Variants in ANGPTL5 observed in about 807,000 individuals in gnomAD.
ANGPTL5 encodes the protein angiopoietin-related protein 5.
ANGPTL5 carries 34 observed loss-of-function variants against 39.4 expected under a neutral mutation model. The observed-to-expected ratio is 0.86, with a 90% CI of 0.66 to 1.15. The LOEUF (loss-of-function observed/expected upper bound fraction) is 1.15. Among genes scored for constraint, ANGPTL5 ranks in the 50% most tolerant of loss-of-function variants. The pLI is 0.00. For synonymous variants in ANGPTL5, 146 were observed against 152.1 expected, an observed-to-expected ratio of 0.96 and a Z score of 0.29; for missense variants, 467 against 457.5, an observed-to-expected ratio of 1.02 and a Z score of -0.19.
intron 8 of ANGPTL5, among the ~76,000 whole-genome samples, chr11:101,892,736 A>AT (rs777285148): frequency 1.4e-4 from 21 of 152,222 alleles, no homozygotes; most frequent in Non-Finnish European, 2.5e-4. Context: ...TGAAACACTA[A>AT]TTTAAAAAAG....
chr11:101,901,445 C>T (rs979020383), intron 6 of ANGPTL5, among the ~76,000 whole-genome samples: 1 of 152,116 alleles, frequency 6.6e-6, no homozygotes, highest in Non-Finnish European at 1.5e-5. Flanking sequence ...TCAGCAGGTG[C>T]TCATAGACAC....
chr11:101,898,387 C>G (rs991527680), intron 7 of ANGPTL5, among the ~76,000 whole-genome samples: 7 of 152,064 alleles, frequency 4.6e-5, no homozygotes, highest in Non-Finnish European at 1.0e-4. Context: ...AAGTTGGATT[C>G]CTAGGTATTG....
chr11:101,894,873 T>A lies in ANGPTL5; in HGVS notation c.847+6A>T, dbSNP rs11225051. 0.061 allele frequency: 98,347 copies of A among 1,607,858 alleles called. 5,274 individuals carry two copies. Among genetic ancestry groups the A allele is most frequent in the East Asian group, 0.29 (12,847 of 44,702 alleles). ...TGGATAATTTTAGGAATAAAAAAAA[T>A]CTTACCAGCATTTCCTGAATACCGT... On this transcript the variant is annotated splice_donor_region_variant and intron_variant, in intron 8 of 8. Transcript: ENST00000334289.
chr11:101,897,924 GA>G (rs1939828156), intron 7 of ANGPTL5, among the ~76,000 whole-genome samples: 1 of 152,082 alleles, frequency 6.6e-6, no homozygotes, highest in South Asian at 2.1e-4. Context: ...GAATAGCATT[GA>G]ATCTATAAAT....
At chr11:101,906,362 G>A (rs1315888074) in intron 3 of ANGPTL5, among the ~76,000 whole-genome samples, 2 of 151,822 alleles carry the variant, frequency 1.3e-5, no homozygotes, top group Admixed American at 6.6e-5. Context: ...TTGGTTATTT[G>A]GTTTCTGACT....
Position 101,891,316 on chromosome 11 carries a change from A to T in ANGPTL5, c.1130T>A (p.Met377Lys), listed in dbSNP as rs1480476284. 2 of 1,613,636 alleles carry T rather than the reference A, an allele frequency of 1.2e-6. No homozygotes were observed. Among genetic ancestry groups the T allele is most frequent in the South Asian group, 2.2e-5 (2 of 91,066 alleles). Residue 377 changes from methionine (M) to lysine (K), a missense_variant, in exon 9 of 9, where the codon ATG becomes AAG. Coordinates refer to ENST00000334289, the MANE Select transcript of ANGPTL5 (RefSeq NM_178127.5). Reference protein sequence around the residue: ...NSPVKIKSVSMKIRRMYNPYF... With the variant: ...NSPVKIKSVSKKIRRMYNPYF... Reference sequence around the variant, plus strand: ...TGGATTGTACATTCTTCTAATTTTCATTGAAACAGATTTAATCTTGACAGG... The same window carrying T: ...TGGATTGTACATTCTTCTAATTTTCTTTGAAACAGATTTAATCTTGACAGG...
In ANGPTL5 at chr11:101,910,420, A is replaced by ATAT. The variant is rs1210873000; in HGVS notation, c.-92-2420_-92-2419insATA. Among the ~76,000 whole-genome samples the ATAT allele has an allele frequency of 1.4e-3, 185 of 128,380 alleles. 2 individuals carry two copies. The highest frequency in any genetic ancestry group is 2.3e-3 in the African/African-American group (80 of 35,284). The allele number at this position is 128,380 out of a possible 152,430, so 84.2% of individuals were successfully genotyped here. On this transcript the variant is annotated intron_variant, in intron 1 of 8. Transcript: ENST00000334289. ...AGCAAAACTCCGTCTCAAAAAAAAA[A>ATAT]AAAAATATATATATATATATATATA...
intron 7 of ANGPTL5, among the ~76,000 whole-genome samples, chr11:101,898,624 A>C (rs1019180389): frequency 2.6e-5 from 4 of 152,200 alleles, no homozygotes; most frequent in Non-Finnish European, 2.9e-5. Context: ...TTCCTAATTG[A>C]ATACCCTTTA....
intron 1 of ANGPTL5, chr11:101,915,561 C>A: frequency 1.9e-6 from 2 of 1,068,372 alleles, no homozygotes; most frequent in African/African-American, 1.6e-5. Context: ...ACTGTCGTGT[C>A]TCACCTTAGA....
chr11:101,909,016 T>G (rs1940048270), intron 1 of ANGPTL5, among the ~76,000 whole-genome samples: 1 of 152,162 alleles, frequency 6.6e-6, no homozygotes, highest in Non-Finnish European at 1.5e-5. Flanking sequence ...ATTCTAAAAT[T>G]AAGAGGCAAA....
At chr11:101,912,775 A>T (rs909752515) in intron 1 of ANGPTL5, among the ~76,000 whole-genome samples, 1 of 152,206 alleles carries the variant, frequency 6.6e-6, no homozygotes, top group African/African-American at 2.4e-5. Flanking sequence ...GTTCCCAGCC[A>T]TAATGGGATG....
At chr11:101,895,985 G>T (rs929135858) in intron 7 of ANGPTL5, among the ~76,000 whole-genome samples, 1 of 151,988 alleles carries the variant, frequency 6.6e-6, no homozygotes, top group Non-Finnish European at 1.5e-5. Flanking sequence ...TTAGCAACAC[G>T]CTCACTTACA....
chr11:101,906,658 C>T (rs1054310336), intron 3 of ANGPTL5, among the ~76,000 whole-genome samples: 7 of 152,056 alleles, frequency 4.6e-5, no homozygotes, highest in African/African-American at 1.4e-4. Flanking sequence ...CAAAAGGGCC[C>T]ACACACTATT....
intron 1 of ANGPTL5, chr11:101,915,125 C>T: frequency 2.7e-6 from 3 of 1,112,940 alleles, no homozygotes; most frequent in Non-Finnish European, 3.7e-6. Context: ...ACCAGTGCCG[C>T]TGCGCGGGAG....
chr11:101,913,621 T>C (rs1183143734), intron 1 of ANGPTL5, among the ~76,000 whole-genome samples: 1 of 152,206 alleles, frequency 6.6e-6, no homozygotes, highest in African/African-American at 2.4e-5. Context: ...TTATGCTTCT[T>C]AGTGCTAATA....
intron 1 of ANGPTL5, among the ~76,000 whole-genome samples, chr11:101,911,593 T>C (rs893833951): frequency 6.6e-6 from 1 of 152,124 alleles, no homozygotes; most frequent in Non-Finnish European, 1.5e-5. Flanking sequence ...CTCCCCTCTC[T>C]CTTTCAGTCC....
At chr11:101,904,793 C>G (rs199920643) in intron 5 of ANGPTL5, 21 bp downstream of exon 5, 304 of 1,597,262 alleles carry the variant, frequency 1.9e-4, no homozygotes, top group Non-Finnish European at 2.1e-4. Context: ...CATGAAAAGG[C>G]TGAAATACCA....
At position 101,890,698 on chromosome 11, in the gene ANGPTL5, T is replaced by C. The variant is rs535823296; in HGVS notation, c.*581A>G. The C allele has an allele frequency of 2.6e-5, 4 of 152,584 alleles. No individual in the cohort carries two copies. The South Asian group carries it at 8.3e-4, about 32-fold the overall frequency. 9.5% of individuals were successfully genotyped at this position (152,584 alleles called of 1,614,324 possible). The stretch of plus-strand genomic sequence containing the variant: ...ATCAGGATATAAAAGTACATATATT[T>C]ATTACAAACAATAACAAAATAGTTA... On this transcript the variant is annotated 3_prime_UTR_variant, in exon 9 of 9. Coordinates refer to ENST00000334289, the MANE Select transcript of ANGPTL5 (RefSeq NM_178127.5).
chr11:101,903,842 T>C (rs1051810080), intron 5 of ANGPTL5, among the ~76,000 whole-genome samples: 15 of 152,128 alleles, frequency 9.9e-5, no homozygotes, highest in African/African-American at 3.6e-4. Context: ...ATGATGATCA[T>C]AGCAAGCAAG....
Sources: gnomAD v4.1 joint callset for allele counts (sites outside exome capture counted in the v4.1 genomes callset) on GRCh38, gnomAD v4.1.1 for gene constraint, MANE v1.5 for transcripts, NCBI Gene and HGNC (gene_info 2026-07-23, HGNC 2026-07-21) for gene names.